The following AKT3 variants were observed in gnomAD, a reference collection of about 807,000 sequenced individuals.
The protein encoded by AKT3 is AKT serine/threonine kinase 3.
AKT3 carries 15 observed loss-of-function variants against 65.3 expected under a neutral mutation model. That is an observed-to-expected ratio of 0.23 (90% CI 0.15 to 0.35). The LOEUF is 0.35. Among genes scored for constraint, AKT3 ranks in the 10% least tolerant of loss-of-function variants. The pLI is 1.00. For missense variants in AKT3, 243 were observed against 576.5 expected (o/e 0.42, Z 5.92); for synonymous variants, 206 against 183.8 (o/e 1.12, Z -0.98).
upstream of AKT3, chr1:243,851,044 C>G (rs1195741426): frequency 1.3e-5 from 2 of 152,310 alleles, no homozygotes. Context: ...CGCGAGGGCT[C>G]GCACCTGGAA....
At chr1:243,696,179 T>C (rs1185114189) in intron 2 of AKT3, among the ~76,000 whole-genome samples, 1 of 151,896 alleles carries the variant, frequency 6.6e-6, no homozygotes, top group East Asian at 1.9e-4. Context: ...AAAAAGTCTA[T>C]TTTCATTAAT....
chr1:243,642,503 G>A (rs984670622), intron 5 of AKT3, among the ~76,000 whole-genome samples: 1 of 152,114 alleles, frequency 6.6e-6, no homozygotes. Flanking sequence ...TAGAGACGGG[G>A]TTTCACCGTG....
chr1:243,587,901 T>C (rs1254760533), intron 8 of AKT3, among the ~76,000 whole-genome samples: 1 of 152,152 alleles, frequency 6.6e-6, no homozygotes, highest in Non-Finnish European at 1.5e-5. Context: ...AAACATTTGA[T>C]GGGCATATCT....
intron 5 of AKT3, among the ~76,000 whole-genome samples, chr1:243,640,875 G>A (rs1680330940): frequency 6.6e-6 from 1 of 152,116 alleles, no homozygotes; most frequent in Non-Finnish European, 1.5e-5. Flanking sequence ...AATACTGAGT[G>A]TCAATTTGAT....
intron 2 of AKT3, among the ~76,000 whole-genome samples, chr1:243,705,083 T>C (rs538353953): frequency 6.6e-6 from 1 of 152,200 alleles, no homozygotes; most frequent in Non-Finnish European, 1.5e-5. Context: ...TCCCTCATGA[T>C]TATTTTGAAA....
At position 243,583,162 on chromosome 1, in the gene AKT3, A is replaced by ATG. The variant is rs145963349; in HGVS notation, c.697-10116_697-10115dup. ...ATATATATCTCTCTCTTCCATGTAT[A>ATG]TGTGTGTGTATATATATATATATAT... On this transcript the variant is annotated intron_variant, in intron 8 of 13. Coordinates refer to ENST00000673466, the MANE Select transcript of AKT3 (RefSeq NM_005465.7). Among the ~76,000 whole-genome samples the ATG allele has an allele frequency of 5.0e-4, 57 of 114,772 alleles. 1 individual carries two copies. Among genetic ancestry groups the ATG allele is most frequent in the African/African-American group, 1.7e-3 (53 of 30,778 alleles). The allele number at this position is 114,772 out of a possible 152,430, so 75.3% of individuals were successfully genotyped here.
At chr1:243,593,871 C>T (rs145630917) in intron 8 of AKT3, among the ~76,000 whole-genome samples, 2,248 of 152,226 alleles carry the variant, frequency 0.015, 23 homozygotes, top group Non-Finnish European at 0.023. Context: ...TTTTCCGAGA[C>T]AGGGAACAAA....
chr1:243,541,037 A>C (rs1672281533), intron 12 of AKT3, among the ~76,000 whole-genome samples: 1 of 152,198 alleles, frequency 6.6e-6, no homozygotes, highest in Non-Finnish European at 1.5e-5. Context: ...TCTCCACTGT[A>C]AAGTTAGTCA....
chr1:243,581,309 A>T (rs1278128675), intron 8 of AKT3, among the ~76,000 whole-genome samples: 1 of 152,222 alleles, frequency 6.6e-6, no homozygotes, highest in Non-Finnish European at 1.5e-5. Context: ...AATTGGCCAT[A>T]GCCTGTGGCA....
At chr1:243,576,535 G>A (rs1407326178) in intron 8 of AKT3, among the ~76,000 whole-genome samples, 1 of 152,200 alleles carries the variant, frequency 6.6e-6, no homozygotes, top group South Asian at 2.1e-4. Context: ...TTCAGCAAAG[G>A]CTCAGGATAG....
intron 2 of AKT3, among the ~76,000 whole-genome samples, chr1:243,707,884 A>G (rs1334793069): frequency 6.6e-6 from 1 of 152,116 alleles, no homozygotes; most frequent in Non-Finnish European, 1.5e-5. Flanking sequence ...ATACATAGCC[A>G]CTGCATATAC....
chr1:243,804,497 T>C (rs934338889), intron 2 of AKT3, among the ~76,000 whole-genome samples: 1 of 152,212 alleles, frequency 6.6e-6, no homozygotes, highest in Non-Finnish European at 1.5e-5. Flanking sequence ...CCTCACATAG[T>C]TATCATTTTT....
chr1:243,685,925 A>AT (rs1461267204), intron 3 of AKT3, among the ~76,000 whole-genome samples: 1 of 152,208 alleles, frequency 6.6e-6, no homozygotes, highest in East Asian at 1.9e-4. Flanking sequence ...TACAAAATCA[A>AT]TGTGCAAAAA....
chr1:243,609,392 T>C (rs372234167), intron 8 of AKT3, among the ~76,000 whole-genome samples: 1 of 151,632 alleles, frequency 6.6e-6, no homozygotes, highest in African/African-American at 2.4e-5. Flanking sequence ...TACCTACGCA[T>C]GTTAAAATTA....
At position 243,711,352 on chromosome 1, in the gene AKT3, A is replaced by C. The variant is rs551216651; in HGVS notation, c.47-15636T>G. Among the ~76,000 whole-genome samples, 4 of 152,212 alleles carry C rather than the reference A, an allele frequency of 2.6e-5. No individual in the cohort carries two copies. In the South Asian group the frequency reaches 8.3e-4, roughly 32 times the overall value. On this transcript the variant is annotated intron_variant, in intron 2 of 13. Transcript: ENST00000673466. The stretch of plus-strand genomic sequence containing the variant: ...CAAAAACAAACAAACAAAAGAACAA[A>C]ATTTGAAATCATCATCACTAAATAA...
At chr1:243,701,654 A>G (rs927201826) in intron 2 of AKT3, among the ~76,000 whole-genome samples, 18 of 132,752 alleles carry the variant, frequency 1.4e-4, no homozygotes, top group Non-Finnish European at 2.6e-4. Flanking sequence ...CTTCTTACCT[A>G]AGAAAAAATG....
chr1:243,493,173 C>T (rs971308127), intron 13 of AKT3, among the ~76,000 whole-genome samples: 4 of 149,074 alleles, frequency 2.7e-5, no homozygotes, highest in East Asian at 4.0e-4. Context: ...GTCGCACTCT[C>T]GCCCTCTTGA....
chr1:243,804,210 C>G (rs550233564), intron 2 of AKT3, among the ~76,000 whole-genome samples: 2 of 152,276 alleles, frequency 1.3e-5, no homozygotes, highest in South Asian at 2.1e-4. Context: ...TGACTAGTCT[C>G]AGAGAGAAGC....
Position 243,674,139 on chromosome 1 carries a change from C to T in AKT3, c.173-9256G>A, listed in dbSNP as rs188886254. 5.3e-5 allele frequency among the ~76,000 whole-genome samples: 8 copies of T among 152,182 alleles called. No homozygotes were observed. In the East Asian group the frequency reaches 1.5e-3, roughly 29 times the overall value. ...TATCTGTGCCTTGGCTAATTGAAAT[C>T]ATGTTAAAAAATACCTAAAAGATAA... On this transcript the variant is annotated intron_variant, in intron 3 of 13. Transcript: ENST00000673466.
Sources: gnomAD v4.1 joint callset for allele counts (sites outside exome capture counted in the v4.1 genomes callset) on GRCh38, gnomAD v4.1.1 for gene constraint, MANE v1.5 for transcripts, NCBI Gene and HGNC (gene_info 2026-07-23, HGNC 2026-07-21) for gene names.